Variants in TTN observed in about 807,000 individuals in gnomAD.
The protein encoded by TTN is titin.
In TTN, 1,525 loss-of-function variants were observed where a neutral mutation model predicts 3,223.0. The observed-to-expected ratio is 0.47, with a 90% CI of 0.45 to 0.49. The LOEUF (loss-of-function observed/expected upper bound fraction) is 0.49, where lower values mean the gene tolerates loss of function less well. Among genes scored for constraint, TTN ranks in the 20% least tolerant of loss-of-function variants. The pLI, the probability that TTN is intolerant of heterozygous loss-of-function variation, is 0.00. For missense variants in TTN, 40,786 were observed against 43,424.0 expected (o/e 0.94, Z 5.40); for synonymous variants, 14,094 against 15,161.0 (o/e 0.93, Z 5.17).
In TTN at chr2:178,696,056, T is replaced by C; in HGVS notation, c.31016A>G (p.Glu10339Gly). The C allele has an allele frequency of 6.4e-7, 1 of 1,551,184 alleles. No individual in the cohort carries two copies. Among genetic ancestry groups the C allele is most frequent in the Non-Finnish European group, 8.7e-7 (1 of 1,146,662 alleles). The change falls in exon 114 of 363, where the codon GAA (glutamate) becomes GGA (glycine). Residue 10339 changes from glutamate (E) to glycine (G), a missense_variant. Glu to Gly is a moderately conservative substitution (Grantham distance 98, BLOSUM62 -2). Coordinates refer to ENST00000589042, the MANE Select transcript of TTN (RefSeq NM_001267550.2). Reference sequence around the variant, plus strand: ...CTCTTCATAGTCTTCATCTGGTTCTTCATAATAAGGTTGTTCAAATGGCTC... The same window carrying C: ...CTCTTCATAGTCTTCATCTGGTTCTCCATAATAAGGTTGTTCAAATGGCTC... ...YTEPFEQPYY[E>G]EPDEDYEEIK...
rs769113714 is a variant in TTN, at chr2:178,575,545, G to C, written c.70587C>G (p.Ala23529=). The change falls in exon 326 of 363, where the codon GCC becomes GCG. Residue 23529 remains alanine (A), a synonymous_variant. Coordinates refer to ENST00000589042, the MANE Select transcript of TTN (RefSeq NM_001267550.2). The surrounding 1 kb of genome is among the most constrained non-coding windows in gnomAD (Gnocchi z 4.0). The part of the protein sequence containing the change: ...EPTETTEPVK[A]SEAPSPPDSL... The stretch of plus-strand genomic sequence containing the variant: ...TGTCTGGTGGAGATGGTGCTTCAGA[G>C]GCTTTTACGGGCTCTGTAGTTTCTG... 1.2e-6 allele frequency: 2 copies of C among 1,613,552 alleles called. No individual in the cohort carries two copies. The highest frequency in any genetic ancestry group is 1.7e-6 in the Non-Finnish European group (2 of 1,179,662).
At position 178,560,740 on chromosome 2, in the gene TTN, A is replaced by G. The variant is rs886038860; in HGVS notation, c.85392T>C (p.Thr28464=). Residue 28464 remains threonine, a synonymous_variant, in exon 326 of 363, where the codon ACT becomes ACC. Transcript: ENST00000589042. ...CCCAGGAAAGAGAGCATTTCTCAGC[A>G]GTGAGGCCATTTATTTCAAGTGGTC... ...PAGPLEINGL[T]AEKCSLSWGR... 6.2e-7 allele frequency: 1 copy of G among 1,613,794 alleles called. No homozygotes were observed. Among genetic ancestry groups the G allele is most frequent in the Non-Finnish European group, 8.5e-7 (1 of 1,179,814 alleles).
In TTN at chr2:178,645,970, G is replaced by A; in HGVS notation, c.40358C>T (p.Pro13453Leu). Residue 13453 changes from proline (P) to leucine (L), a missense_variant, in exon 217 of 363, where the codon CCA (proline) becomes CTA (leucine). By Grantham distance (98) the Pro-to-Leu change is moderately conservative (BLOSUM62 -3). Coordinates refer to ENST00000589042, the MANE Select transcript of TTN (RefSeq NM_001267550.2). ...CACATCTTCCTTAGGTGGAGCAGGTGGAGGAGGTGGGGGTCTTGGTTTGAG... is the reference window on the plus strand; with the variant it reads ...CACATCTTCCTTAGGTGGAGCAGGTAGAGGAGGTGGGGGTCTTGGTTTGAG... ...PKLKPRPPPP[P>L]PAPPKEDVKE... The A allele has an allele frequency of 6.3e-7, 1 of 1,587,014 alleles. No homozygotes were observed. Among genetic ancestry groups the A allele is most frequent in the Non-Finnish European group, 8.6e-7 (1 of 1,169,504 alleles).
Position 178,640,080 on chromosome 2 carries a change from G to A in TTN, c.40754C>T (p.Pro13585Leu), listed in dbSNP as rs746441043. The A allele has an allele frequency of 6.2e-7, 1 of 1,612,236 alleles. No homozygotes were observed. Among genetic ancestry groups the A allele is most frequent in the South Asian group, 1.1e-5 (1 of 90,958 alleles). Reference sequence around the variant, plus strand: ...GGGCTTTGGTTTCGGTTCAGGTGCAGGGAGAGGTATTGCTGGCTTGATTTC... The same window carrying A: ...GGGCTTTGGTTTCGGTTCAGGTGCAAGGAGAGGTATTGCTGGCTTGATTTC... ...VPEIKPAIPL[P>L]APEPKPKPEA... The change falls in exon 222 of 363, where the codon CCT (proline) becomes CTT (leucine). Residue 13585 changes from proline to leucine, a missense_variant. Transcript: ENST00000589042.
chr2:178,553,317 A>G lies in TTN; in HGVS notation c.89583T>C (p.Ile29861=). Residue 29861 remains isoleucine, a synonymous_variant, in exon 335 of 363, where the codon ATT becomes ATC. Transcript: ENST00000589042. ...TAGGTGGAGGTCTGCCTTTAAAGGG[A>G]ATCAACACTTGTACATCTTCACCAG... is the stretch of plus-strand genomic sequence containing the variant. ...AKAGEDVQVL[I]PFKGRPPPTV... The G allele has an allele frequency of 6.2e-7, 1 of 1,606,280 alleles. No individual in the cohort carries two copies. The highest frequency in any genetic ancestry group is 8.5e-7 in the Non-Finnish European group (1 of 1,179,522).
rs2069293212 is a variant in TTN, at chr2:178,681,154, T to C, written c.33265A>G (p.Lys11089Glu). The C allele has an allele frequency of 6.2e-7, 1 of 1,602,818 alleles. No homozygotes were observed. Among genetic ancestry groups the C allele is most frequent in the African/African-American group, 1.3e-5 (1 of 74,290 alleles). Residue 11089 changes from lysine to glutamate, a missense_variant, in exon 138 of 363, where the codon AAA (lysine) becomes GAA (glutamate). Coordinates refer to ENST00000589042, the MANE Select transcript of TTN (RefSeq NM_001267550.2). Reference protein sequence around the residue: ...PPPKVPEEPKKVFEEKIRISI... With the variant: ...PPPKVPEEPKEVFEEKIRISI... ...ATACGTATTTTTTCCTCAAAAACTT[T>C]CTTTGGTTCTTCAGGCACTTTAAAG...
chr2:178,634,603 G>A lies in TTN; in HGVS notation c.42178C>T (p.Leu14060=), dbSNP rs762418323. The A allele has an allele frequency of 1.5e-5, 24 of 1,613,162 alleles. No individual in the cohort carries two copies. The change falls in exon 230 of 363, where the codon CTG becomes TTG. Residue 14060 remains leucine (L), a synonymous_variant. Transcript: ENST00000589042. This position sits in a 1 kb window ranked among gnomAD's most constrained non-coding sequence, Gnocchi z 4.6. ...CTTTCTGGAACAGTGACATCCTTCA[G>A]GGGCACAGCAAAGTCAAGTTCGATT... ...KEIELDFAVP[L]KDVTVPERRQ...
In TTN at chr2:178,768,073, A is replaced by G. The variant is rs761865862; in HGVS notation, c.9246T>C (p.Ser3082=). The G allele has an allele frequency of 1.9e-6, 3 of 1,614,180 alleles. No homozygotes were observed. In the South Asian group the frequency reaches 3.3e-5, roughly 18 times the overall value. ...TCCACTGTACAGTGATGTCAGGTTC[A>G]GAAACTTCACATTCAAACATGGCTC... ...KKRAMFECEV[S]EPDITVQWMK... Residue 3082 remains serine, a synonymous_variant, in exon 39 of 363, where the codon TCT becomes TCC. Transcript: ENST00000589042.
Position 178,591,061 on chromosome 2 carries a change from C to A in TTN, c.60664G>T (p.Val20222Phe), listed in dbSNP as rs760330888. 1 of 1,613,354 alleles carries A rather than the reference C, an allele frequency of 6.2e-7. No homozygotes were observed. Among genetic ancestry groups the A allele is most frequent in the Non-Finnish European group, 8.5e-7 (1 of 1,179,548 alleles). The stretch of plus-strand genomic sequence containing the variant: ...TTTGTCTTACTGCTTCCGGAAGAGA[C>A]AACACCCCACGTGTCTTTCCTTGTA... ...QDTRKDTWGV[V>F]SSGSSKTKLK... The change falls in exon 304 of 363, where the codon GTC becomes TTC. Residue 20222 changes from valine (V) to phenylalanine (F), a missense_variant. Transcript: ENST00000589042.
At chr2:178,745,795 G>A (rs2083393523) in intron 47 of TTN, 2 of 1,613,190 alleles carry the variant, frequency 1.2e-6, no homozygotes, top group Non-Finnish European at 1.7e-6. Flanking sequence ...CACGAACTAA[G>A]CACTGAAAAT....
chr2:178,530,963 T>G lies in TTN; in HGVS notation c.105652A>C (p.Ile35218Leu). ...TTTTCAGTTACCCTGGCCTTTTGAATAGTCAGAGTGAACTCTGCTTCTTGT... is the reference window on the plus strand; with the variant it reads ...TTTTCAGTTACCCTGGCCTTTTGAAGAGTCAGAGTGAACTCTGCTTCTTGT... The part of the protein sequence containing the change: ...GKQEAEFTLT[I>L]QKARVTEKAV... The change falls in exon 358 of 363, where the codon ATT (isoleucine) becomes CTT (leucine). Residue 35218 changes from isoleucine (I) to leucine (L), a missense_variant. Transcript: ENST00000589042. 6.2e-7 allele frequency: 1 copy of G among 1,613,998 alleles called. No individual in the cohort carries two copies.
intron 7 of TTN, 85 bp from the exon 8 acceptor site, chr2:178,794,636 C>T: frequency 6.4e-7 from 1 of 1,551,926 alleles, no homozygotes; most frequent in East Asian, 2.3e-5. Flanking sequence ...AACTGAGCCA[C>T]CTAGAGCAAA....
At position 178,607,517 on chromosome 2, in the gene TTN, C is replaced by A. The variant is rs1385094780; in HGVS notation, c.53171G>T (p.Gly17724Val). Residue 17724 changes from glycine (G) to valine (V), a missense_variant, in exon 277 of 363, where the codon GGA (glycine) becomes GTA (valine). By Grantham distance (109) the Gly-to-Val change is moderately radical. Coordinates refer to ENST00000589042, the MANE Select transcript of TTN (RefSeq NM_001267550.2). ...CTTGATAATTAGTTCAGATTTGGTTCCAACGTTGTCTATTACAACACGGTC... is the reference window on the plus strand; with the variant it reads ...CTTGATAATTAGTTCAGATTTGGTTACAACGTTGTCTATTACAACACGGTC... ...DKDRVVIDNV[G>V]TKSELIIKDA... The A allele has an allele frequency of 6.2e-7, 1 of 1,613,192 alleles. No homozygotes were observed. The highest frequency in any genetic ancestry group is 8.5e-7 in the Non-Finnish European group (1 of 1,179,348).
rs1693724796 is a variant in TTN at position 178,540,158 on chromosome 2, C to T, written c.98008G>A (p.Glu32670Lys). The change falls in exon 351 of 363, where the codon GAA becomes AAA. Residue 32670 changes from glutamate (E) to lysine (K), a missense_variant. Coordinates refer to ENST00000589042, the MANE Select transcript of TTN (RefSeq NM_001267550.2). ...YTLTHLPQGA[E>K]YRFRVLACNA... is the part of the protein sequence containing the mutation. ...CAAGCTAGGACGCGGAACCTGTATTCTGCACCCTGAGGTAGGTGTGTTAGA... is the reference window on the plus strand; with the variant it reads ...CAAGCTAGGACGCGGAACCTGTATTTTGCACCCTGAGGTAGGTGTGTTAGA... 1 of 1,613,680 alleles carries T rather than the reference C, an allele frequency of 6.2e-7. No homozygotes were observed. The highest frequency in any genetic ancestry group is 1.1e-5 in the South Asian group (1 of 91,072).
chr2:178,630,978 C>T, intron 237 of TTN, 35 bp from the exon 238 acceptor site: 1 of 1,611,578 alleles, frequency 6.2e-7, no homozygotes, highest in Non-Finnish European at 8.5e-7. Context: ...GGTCATTAGC[C>T]TCTGGCACAA....
chr2:178,744,628 G>A (rs1405796502), intron 47 of TTN: 8 of 945,180 alleles, frequency 8.5e-6, no homozygotes, highest in East Asian at 2.3e-4. Context: ...TTGTTATCTT[G>A]TTATTTATAT....
In TTN at chr2:178,563,919, A is replaced by T; in HGVS notation, c.82213T>A (p.Tyr27405Asn). Residue 27405 changes from tyrosine to asparagine, a missense_variant, in exon 326 of 363, where the codon TAC becomes AAC. Transcript: ENST00000589042. The surrounding 1 kb of genome is among the most constrained non-coding windows in gnomAD (Gnocchi z 4.5). ...CTTGTCTCCCTCTTTTCAATGATGT[A>T]ATGTGAAATATTAGCACCACCATCT... ...LQDGGANISH[Y>N]IIEKRETSRL... 6.2e-7 allele frequency: 1 copy of T among 1,613,716 alleles called. No homozygotes were observed. The highest frequency in any genetic ancestry group is 8.5e-7 in the Non-Finnish European group (1 of 1,179,730).
chr2:178,593,992 A>G lies in TTN; in HGVS notation c.58401T>C (p.Ser19467=). 4 of 1,613,560 alleles carry G rather than the reference A, an allele frequency of 2.5e-6. No individual in the cohort carries two copies. The highest frequency in any genetic ancestry group is 3.4e-6 in the Non-Finnish European group (4 of 1,179,642). Residue 19467 remains serine, a synonymous_variant, in exon 297 of 363, where the codon TCT becomes TCC. Coordinates refer to ENST00000589042, the MANE Select transcript of TTN (RefSeq NM_001267550.2). ...CATTAACTTGACAGAAACCTTTCCT[A>G]GAGCCTGTACTGTTCTCCACAACCA... The part of the protein sequence containing the change: ...YCVVVENSTG[S]RKGFCQVNVV...
rs370115946 is a variant in TTN at position 178,738,317 on chromosome 2, T to G, written c.14136A>C (p.Ala4712=). 1.8e-5 allele frequency: 29 copies of G among 1,613,356 alleles called. No individual in the cohort carries two copies. Among genetic ancestry groups the G allele is most frequent in the Non-Finnish European group, 2.4e-5 (28 of 1,179,650 alleles). ...AGGTGAATTTGGCTAGGTGGCCCAG[T>G]GCTACTTCCAGGGGTTCGATTTTCC... ...IKRKIEPLEV[A]LGHLAKFTCE... The change falls in exon 49 of 363, where the codon GCA becomes GCC. Residue 4712 remains alanine, a synonymous_variant. Coordinates refer to ENST00000589042, the MANE Select transcript of TTN (RefSeq NM_001267550.2).
Sources: allele counts gnomAD v4.1 joint callset, GRCh38; gene constraint gnomAD v4.1.1; non-coding constraint Gnocchi (gnomAD v3.1); transcripts MANE v1.5; gene names NCBI Gene and HGNC (gene_info 2026-07-23, HGNC 2026-07-21).